The following ADGB variants were observed in gnomAD, a reference collection of about 807,000 sequenced individuals.
The protein encoded by ADGB is calpain-7-like protein.
ADGB carries 172 observed loss-of-function variants against 210.5 expected under a neutral mutation model. The observed-to-expected ratio is 0.82, with a 90% CI of 0.72 to 0.93. The LOEUF is 0.93. Among genes scored for constraint, ADGB ranks in the 40% least tolerant of loss-of-function variants. The probability of loss-of-function intolerance (pLI) is 0.00; values close to 1 mark genes in which losing one functional copy is unlikely to be tolerated. For missense variants in ADGB, 2,025 were observed against 1,964.8 expected (o/e 1.03, Z -0.58); for synonymous variants, 658 against 662.7 (o/e 0.99, Z 0.11).
Position 146,654,147 on chromosome 6 carries a change from G to T in ADGB, c.343G>T (p.Val115Leu). 1 of 1,537,372 alleles carries T rather than the reference G, an allele frequency of 6.5e-7. No individual in the cohort carries two copies. The highest frequency in any genetic ancestry group is 2.5e-5 in the East Asian group (1 of 40,636). ...DILFSQTPVVVKNEITFDLFS... is the reference protein window; with the variant it reads ...DILFSQTPVVLKNEITFDLFS... ...ATATTTTTTTCAGACTCCAGTAGTT[G>T]TGAAAAATGAAATCACGTTTGACTT... The change falls in exon 4 of 36, where the codon GTG (valine) becomes TTG (leucine). Residue 115 changes from valine (V) to leucine (L), a missense_variant. By Grantham distance (32) the Val-to-Leu change is conservative. Transcript: ENST00000397944.
rs755564351 is a variant in ADGB, at chr6:146,767,252, AAAAT to A, written c.3751-1765_3751-1762del. On this transcript the variant is annotated intron_variant, in intron 28 of 35. Transcript: ENST00000397944. ...GGAAAGCCACAATGATACAAAGAACAAAATAATTAAAAGATTATTCTAAATAATC... is the reference window on the plus strand; with the variant it reads ...GGAAAGCCACAATGATACAAAGAACAAATTAAAAGATTATTCTAAATAATC... Among the ~76,000 whole-genome samples the A allele has an allele frequency of 2.0e-5, 3 of 152,336 alleles. No individual in the cohort carries two copies. In the East Asian group the frequency reaches 5.8e-4, roughly 29 times the overall value.
intron 1 of ADGB, chr6:146,600,306 G>A (rs191434424): frequency 3.1e-4 from 72 of 229,590 alleles, no homozygotes; most frequent in African/African-American, 1.6e-3. Context: ...TCTTTTCAGC[G>A]TTGTCTAATG....
intron 7 of ADGB, 62 bp downstream of exon 7, chr6:146,666,964 A>C: frequency 1.5e-6 from 2 of 1,322,560 alleles, no homozygotes; most frequent in Non-Finnish European, 2.1e-6. Context: ...TTTCTTTAAA[A>C]TATTCCTAGC....
intron 1 of ADGB, among the ~76,000 whole-genome samples, chr6:146,612,123 CT>C (rs1780721500): frequency 6.6e-6 from 1 of 152,130 alleles, no homozygotes; most frequent in Non-Finnish European, 1.5e-5. Flanking sequence ...CCTCTTTTAC[CT>C]TTTCCTGGAG....
intron 5 of ADGB, among the ~76,000 whole-genome samples, chr6:146,657,188 C>T (rs116725202): frequency 0.015 from 2,292 of 151,760 alleles, 58 homozygotes; most frequent in African/African-American, 0.052. Context: ...TAGCTGGGTA[C>T]GGTGGTGGGT....
rs992747730 is a variant in ADGB, at chr6:146,776,085, G to A, written c.3863-5935G>A. 3.3e-5 allele frequency among the ~76,000 whole-genome samples: 5 copies of A among 152,016 alleles called. No individual in the cohort carries two copies. In the South Asian group the frequency reaches 8.3e-4, roughly 25 times the overall value. Reference sequence around the variant, plus strand: ...TCTGGATATATGGAGGATATTGTAAGAGGAGACCTAAAGGCATAATGCTAA... The same window carrying A: ...TCTGGATATATGGAGGATATTGTAAAAGGAGACCTAAAGGCATAATGCTAA... On this transcript the variant is annotated intron_variant, in intron 29 of 35. Transcript: ENST00000397944.
intron 9 of ADGB, among the ~76,000 whole-genome samples, chr6:146,684,802 A>G (rs1776200461): frequency 6.6e-6 from 1 of 152,024 alleles, no homozygotes. Context: ...AACATCATCA[A>G]ACAAATGTAG....
At chr6:146,785,763 G>T in intron 32 of ADGB, 51 bp downstream of exon 32, 1 of 1,311,924 alleles carries the variant, frequency 7.6e-7, no homozygotes, top group African/African-American at 1.5e-5. Context: ...GCTGTGATTT[G>T]CACTTCTTAA....
chr6:146,696,249 T>C (rs546088970), intron 12 of ADGB, among the ~76,000 whole-genome samples: 2 of 152,180 alleles, frequency 1.3e-5, no homozygotes, highest in South Asian at 4.2e-4. Flanking sequence ...CTAATTTTTG[T>C]ATTTTTTGTA....
intron 11 of ADGB, among the ~76,000 whole-genome samples, chr6:146,691,627 C>A (rs1486756339): frequency 7.1e-6 from 1 of 141,496 alleles, no homozygotes; most frequent in Non-Finnish European, 1.5e-5. Flanking sequence ...CCTGCCTCAG[C>A]CTCCTGAGTA....
At position 146,711,000 on chromosome 6, in the gene ADGB, T is replaced by C. The variant is rs143109033; in HGVS notation, c.1708-4382T>C. Among the ~76,000 whole-genome samples, 69 of 152,340 alleles carry C rather than the reference T, an allele frequency of 4.5e-4. No individual in the cohort carries two copies. The East Asian group carries it at 8.7e-3, about 19-fold the overall frequency. The stretch of plus-strand genomic sequence containing the variant: ...TGTTGAATGACTACATGCTATTTTA[T>C]CTTGATCTGTTAATTTAGACGTTAT... On this transcript the variant is annotated intron_variant, in intron 13 of 35. Coordinates refer to ENST00000397944, the MANE Select transcript of ADGB (RefSeq NM_024694.4).
At position 146,599,044 on chromosome 6, in the gene ADGB, G is replaced by A. The variant is rs1780512551; in HGVS notation, c.4G>A (p.Ala2Thr). 1 of 1,551,648 alleles carries A rather than the reference G, an allele frequency of 6.4e-7. No homozygotes were observed. The change falls in exon 1 of 36, where the codon GCC becomes ACC. Residue 2 changes from alanine (A) to threonine (T), a missense_variant. By Grantham distance (58) the Ala-to-Thr change is moderately conservative (BLOSUM62 0). Coordinates refer to ENST00000397944, the MANE Select transcript of ADGB (RefSeq NM_024694.4). ...CCTACATAGATCGGCTTCTGCCATGGCCTCCAAACAAACCAAAAAGAAAGA... is the reference window on the plus strand; with the variant it reads ...CCTACATAGATCGGCTTCTGCCATGACCTCCAAACAAACCAAAAAGAAAGA... M[A>T]SKQTKKKEVH...
chr6:146,619,195 C>T (rs571020442), intron 1 of ADGB, among the ~76,000 whole-genome samples: 46 of 150,926 alleles, frequency 3.0e-4, no homozygotes, highest in African/African-American at 1.1e-3. Flanking sequence ...GCTATTTCTG[C>T]TCTTTTTTGG....
chr6:146,788,634 C>T, intron 33 of ADGB, 24 bp downstream of exon 33: 2 of 1,531,152 alleles, frequency 1.3e-6, no homozygotes, highest in Non-Finnish European at 1.8e-6. Flanking sequence ...TCATTGGTAA[C>T]ATAAACATGT....
At chr6:146,664,383 C>T (rs1362347098) in intron 6 of ADGB, 43 bp downstream of exon 6, 2 of 1,502,164 alleles carry the variant, frequency 1.3e-6, no homozygotes, top group Non-Finnish European at 1.8e-6. Flanking sequence ...AAAAAGCAAA[C>T]AAAAACATTA....
rs1449850180 is a variant in ADGB, at chr6:146,769,043, T to G, written c.3774T>G (p.Cys1258Trp). The part of the protein sequence containing the change: ...PLQNYKYIIQ[C>W]SVLYNSWPLT... The stretch of plus-strand genomic sequence containing the variant: ...AGAATTACAAGTATATTATACAGTG[T>G]TCGGTGTTGTATAACAGTTGGCCTC... Residue 1258 changes from cysteine to tryptophan, a missense_variant, in exon 29 of 36, where the codon TGT (cysteine) becomes TGG (tryptophan). By Grantham distance (215) the Cys-to-Trp change is radical. Transcript: ENST00000397944. 1 of 1,524,116 alleles carries G rather than the reference T, an allele frequency of 6.6e-7. No homozygotes were observed. The highest frequency in any genetic ancestry group is 8.9e-7 in the Non-Finnish European group (1 of 1,127,420). The allele number at this position is 1,524,116 out of a possible 1,614,324, so 94.4% of individuals were successfully genotyped here.
chr6:146,728,957 G>A (rs2114581205), intron 20 of ADGB, among the ~76,000 whole-genome samples: 1 of 152,300 alleles, frequency 6.6e-6, no homozygotes, highest in African/African-American at 2.4e-5. Context: ...AACTACTGCT[G>A]TGGCTTACTG....
rs1446054202 is a variant in ADGB, at chr6:146,676,273, G to T, written c.1088-40G>T. The T allele has an allele frequency of 4.7e-6, 7 of 1,490,528 alleles. No individual in the cohort carries two copies. In the Admixed American group the frequency reaches 1.6e-4, roughly 33 times the overall value. The allele number at this position is 1,490,528 out of a possible 1,614,324, so 92.3% of individuals were successfully genotyped here. On this transcript the variant is annotated intron_variant, in intron 8 of 35. Transcript: ENST00000397944. The stretch of plus-strand genomic sequence containing the variant: ...TGAATAAGAAATATAGTTTGAGATT[G>T]TCTAGTTAAAATATTTATTGTGATT...
At chr6:146,655,185 G>A (rs1775762170) in intron 4 of ADGB, among the ~76,000 whole-genome samples, 1 of 152,118 alleles carries the variant, frequency 6.6e-6, no homozygotes, top group African/African-American at 2.4e-5. Context: ...TCTCAAAGTA[G>A]CTGTATTCTC....
Sources: gnomAD v4.1 joint callset for allele counts (sites outside exome capture counted in the v4.1 genomes callset) on GRCh38, gnomAD v4.1.1 for gene constraint, MANE v1.5 for transcripts, NCBI Gene and HGNC (gene_info 2026-07-23, HGNC 2026-07-21) for gene names.